The following PKLR variants were observed in gnomAD, a reference collection of about 807,000 sequenced individuals.
The protein encoded by PKLR is pyruvate kinase L/R.
PKLR carries 38 observed loss-of-function variants against 53.6 expected under a neutral mutation model. The observed-to-expected ratio is 0.71, with a 90% CI of 0.55 to 0.93. The LOEUF (loss-of-function observed/expected upper bound fraction) is 0.93, where lower values mean the gene tolerates loss of function less well. PKLR is among the 40% of genes least tolerant of loss of function. The pLI, the probability that PKLR is intolerant of heterozygous loss-of-function variation, is 0.00. For synonymous variants in PKLR, 328 were observed against 316.2 expected (o/e 1.04, Z -0.39); for missense variants, 702 against 787.3 (o/e 0.89, Z 1.30).
At chr1:155,291,987 G>A (rs368559884) in intron 9 of PKLR, 50 bp from the exon 10 acceptor site, 30 of 1,547,048 alleles carry the variant, frequency 1.9e-5, no homozygotes, top group African/African-American at 5.4e-5. Flanking sequence ...AGTGGTGAAC[G>A]AGGAAAGGAG....
chr1:155,295,231 C>A lies in PKLR; in HGVS notation c.579G>T (p.Thr193=). ...VLVTVDPAFR[T]RGNANTVWVD... ...CCCACACGGTGTTCGCGTTCCCCCG[C>A]GTCCGGAACGCGGGGTCCACAGTCA... Residue 193 remains threonine (T), a synonymous_variant, in exon 5 of 11, where the codon ACG becomes ACT. Coordinates refer to ENST00000342741, the MANE Select transcript of PKLR (RefSeq NM_000298.6). The surrounding 1 kb of genome is among the most constrained non-coding windows in gnomAD (Gnocchi z 4.3). The A allele has an allele frequency of 6.2e-7, 1 of 1,614,054 alleles. No homozygotes were observed. The highest frequency in any genetic ancestry group is 1.3e-5 in the African/African-American group (1 of 75,064).
rs1674432466 is a variant in PKLR, at chr1:155,289,304, A to C, written c.*1268T>G. On this transcript the variant is annotated 3_prime_UTR_variant, in exon 11 of 11. Coordinates refer to ENST00000342741, the MANE Select transcript of PKLR (RefSeq NM_000298.6). ...CGCTTGTTTATTTATTCATTTATTT[A>C]ATTGTATTTATTCATTTACTAACTT... 1 of 152,060 alleles carries C rather than the reference A, an allele frequency of 6.6e-6. No individual in the cohort carries two copies. Among genetic ancestry groups the C allele is most frequent in the South Asian group, 2.1e-4 (1 of 4,822 alleles). 9.4% of individuals were successfully genotyped at this position (152,060 alleles called of 1,614,324 possible).
At chr1:155,301,478 CAG>C (rs1647987626), upstream of PKLR, 13 of 1,603,952 alleles carry the variant, frequency 8.1e-6, no homozygotes, top group Non-Finnish European at 1.1e-5. Flanking sequence ...CTAAGGGAGA[CAG>C]AGAAGAGAAA....
At chr1:155,297,699 C>A (rs913038659) in intron 2 of PKLR, among the ~76,000 whole-genome samples, 1 of 151,972 alleles carries the variant, frequency 6.6e-6, no homozygotes, top group Non-Finnish European at 1.5e-5. Flanking sequence ...CGGAGGAAAA[C>A]GCAACTCAAA....
intron 2 of PKLR, among the ~76,000 whole-genome samples, chr1:155,298,296 A>G (rs1377370917): frequency 2.7e-5 from 4 of 150,626 alleles, no homozygotes; most frequent in Non-Finnish European, 5.9e-5. Context: ...GGCCTCCCAA[A>G]GTGCTGGGAT....
chr1:155,308,193 C>A, the PKLR span, among the ~76,000 whole-genome samples: 1 of 151,552 alleles, frequency 6.6e-6, no homozygotes, highest in African/African-American at 2.4e-5. Context: ...TCCTGAGTGG[C>A]TGGGATTACA....
At chr1:155,300,401 T>G in intron 1 of PKLR, 121 bp from the exon 2 acceptor site, 1 of 754,280 alleles carries the variant, frequency 1.3e-6, no homozygotes, top group East Asian at 2.7e-5. Context: ...ATATATTATT[T>G]TATTATGTCA....
Position 155,291,741 on chromosome 1 carries a change from G to T in PKLR, c.1618+15C>A, listed in dbSNP as rs377254462. The T allele has an allele frequency of 8.5e-5, 137 of 1,612,450 alleles. No individual in the cohort carries two copies. Among genetic ancestry groups the T allele is most frequent in the Non-Finnish European group, 1.1e-4 (131 of 1,178,596 alleles). On this transcript the variant is annotated intron_variant, in intron 10 of 10. Transcript: ENST00000342741. ...ACAAATGGTAGGAGTGGCAGGGAAG[G>T]TCTAGGTAGCTCACCACTTTCAATG...
Position 155,300,087 on chromosome 1 carries a change from G to A in PKLR, c.283+11C>T, listed in dbSNP as rs1428248973. ...GGCCCTGTGTGGCTGCAGGGGGATG[G>A]GAGTGCTTACCGATGGTGGCAATGA... is the stretch of plus-strand genomic sequence containing the variant. On this transcript the variant is annotated intron_variant, in intron 2 of 10. Coordinates refer to ENST00000342741, the MANE Select transcript of PKLR (RefSeq NM_000298.6). The A allele has an allele frequency of 4.3e-6, 7 of 1,612,880 alleles. No individual in the cohort carries two copies. Among genetic ancestry groups the A allele is most frequent in the Non-Finnish European group, 5.9e-6 (7 of 1,179,342 alleles).
intron 1 of PKLR, chr1:155,300,826 G>C: frequency 6.3e-7 from 1 of 1,593,974 alleles, no homozygotes; most frequent in South Asian, 1.1e-5. Flanking sequence ...CAGACACAGA[G>C]GTCCCTGTAG....
At position 155,293,689 on chromosome 1, in the gene PKLR, A is replaced by G. The variant is rs1386873982; in HGVS notation, c.1117-99T>C. 8.1e-7 allele frequency: 1 copy of G among 1,239,816 alleles called. No individual in the cohort carries two copies. Among genetic ancestry groups the G allele is most frequent in the African/African-American group, 1.5e-5 (1 of 67,902 alleles). 76.8% of individuals were successfully genotyped at this position (1,239,816 alleles called of 1,614,324 possible). ...GACACCCACACTCTCAGAGTGTCCC[A>G]AAATCCAGGGTCACAGTCACAACCC... On this transcript the variant is annotated intron_variant, in intron 7 of 10. Coordinates refer to ENST00000342741, the MANE Select transcript of PKLR (RefSeq NM_000298.6). The surrounding 1 kb of genome is among the most constrained non-coding windows in gnomAD (Gnocchi z 4.2).
intron 7 of PKLR, 107 bp downstream of exon 7, chr1:155,294,128 G>A (rs768202263): frequency 8.4e-5 from 110 of 1,303,436 alleles, no homozygotes; most frequent in African/African-American, 5.1e-4. Context: ...GTGAGACTCC[G>A]TCTCAAAAAA....
upstream of PKLR, among the ~76,000 whole-genome samples, chr1:155,306,074 G>A (rs1438474289): frequency 2.0e-5 from 3 of 152,186 alleles, no homozygotes; most frequent in African/African-American, 7.2e-5. This position sits in a 1 kb window ranked among gnomAD's most constrained non-coding sequence, Gnocchi z 4.2. Flanking sequence ...GTCCAGCTAA[G>A]GGACAGACAC....
the PKLR span, among the ~76,000 whole-genome samples, chr1:155,307,193 G>A: frequency 6.6e-6 from 1 of 152,204 alleles, no homozygotes; most frequent in Non-Finnish European, 1.5e-5. Context: ...GATTACAGGC[G>A]TGAGCCACTG....
chr1:155,302,603 C>G (rs1557966933), upstream of PKLR, among the ~76,000 whole-genome samples: 2 of 152,046 alleles, frequency 1.3e-5, no homozygotes, highest in Non-Finnish European at 2.9e-5. Flanking sequence ...CAACTCCTGG[C>G]CTCAAGTATC....
chr1:155,303,097 C>G (rs1192716008), upstream of PKLR, among the ~76,000 whole-genome samples: 1 of 152,182 alleles, frequency 6.6e-6, no homozygotes, highest in African/African-American at 2.4e-5. Context: ...GGTAGAACAC[C>G]CTTTGTCCCA....
chr1:155,293,386 A>G lies in PKLR; in HGVS notation c.1270-43T>C. 3.1e-6 allele frequency: 5 copies of G among 1,614,210 alleles called. No individual in the cohort carries two copies. The East Asian group carries it at 8.9e-5, about 29-fold the overall frequency. ...TTAGTCTGGGAAGGGGCACTGGGGT[A>G]TGGAAGGGATTTGGTTCCCTGGCCC... On this transcript the variant is annotated intron_variant, in intron 8 of 10. Transcript: ENST00000342741. The surrounding 1 kb of genome is among the most constrained non-coding windows in gnomAD (Gnocchi z 4.2).
At chr1:155,291,024 ATAATAATAAT>A (rs1674513427) in intron 10 of PKLR, among the ~76,000 whole-genome samples, 1 of 141,770 alleles carries the variant, frequency 7.1e-6, no homozygotes, top group Non-Finnish European at 1.5e-5. Context: ...AATAATAATA[ATAATAATAAT>A]AATAATAAAA....
chr1:155,304,094 G>C (rs1215981534), upstream of PKLR, among the ~76,000 whole-genome samples: 2 of 152,102 alleles, frequency 1.3e-5, no homozygotes, highest in Non-Finnish European at 2.9e-5. Flanking sequence ...CCAGGGGATG[G>C]ACATGATCCA....
Sources: gnomAD v4.1 joint callset for allele counts (sites outside exome capture counted in the v4.1 genomes callset) on GRCh38, gnomAD v4.1.1 for gene constraint, Gnocchi (gnomAD v3.1) non-coding constraint, MANE v1.5 for transcripts, NCBI Gene and HGNC (gene_info 2026-07-23, HGNC 2026-07-21) for gene names.